ABCA13: variants seen among roughly 807,000 people sequenced by gnomAD.
ABCA13 encodes ATP binding cassette subfamily A member 13, also known as ATP-binding cassette sub-family A member 13.
In ABCA13, 476 loss-of-function variants were observed where a neutral mutation model predicts 478.7. The observed-to-expected ratio is 0.99, with a 90% CI of 0.92 to 1.07. The LOEUF is 1.07. Ranked by LOEUF, ABCA13 falls within the 50% of genes least tolerant of loss-of-function variation. The pLI is 0.00. For synonymous variants in ABCA13, 2,252 were observed against 2,158.9 expected (o/e 1.04, Z -1.20); for missense variants, 6,060 against 5,910.6 (o/e 1.03, Z -0.83).
chr7:48,555,203 A>C (rs976549303), intron 55 of ABCA13, among the ~76,000 whole-genome samples: 3 of 151,890 alleles, frequency 2.0e-5, no homozygotes, highest in African/African-American at 7.2e-5. Flanking sequence ...ATGATGAATG[A>C]TCTTTTTAAT....
chr7:48,327,173 T>C lies in ABCA13; in HGVS notation c.10000-8249T>C, dbSNP rs570941121. Reference sequence around the variant, plus strand: ...TAATTTATAAAGGAAAGAGGTTTAATTGACTCACAGTTTCACATGGCTGGG... The same window carrying C: ...TAATTTATAAAGGAAAGAGGTTTAACTGACTCACAGTTTCACATGGCTGGG... On this transcript the variant is annotated intron_variant, in intron 27 of 61. Coordinates refer to ENST00000435803, the MANE Select transcript of ABCA13 (RefSeq NM_152701.5). Among the ~76,000 whole-genome samples the C allele has an allele frequency of 2.6e-5, 4 of 152,310 alleles. No homozygotes were observed. In the South Asian group the frequency reaches 8.3e-4, roughly 32 times the overall value.
chr7:48,523,519 T>A (rs1247156569), intron 53 of ABCA13, among the ~76,000 whole-genome samples: 1 of 151,946 alleles, frequency 6.6e-6, no homozygotes, highest in Non-Finnish European at 1.5e-5. Flanking sequence ...AGGTAATTGA[T>A]GTTGGTTATG....
At chr7:48,206,037 C>A (rs1311069326) in intron 3 of ABCA13, among the ~76,000 whole-genome samples, 1 of 152,172 alleles carries the variant, frequency 6.6e-6, no homozygotes, top group African/African-American at 2.4e-5. Context: ...TCCACTCACC[C>A]CACATCTTCA....
rs769044983 is a variant in ABCA13 at position 48,276,416 on chromosome 7, T to C, written c.6750T>C (p.Ser2250=). 4 of 1,564,182 alleles carry C rather than the reference T, an allele frequency of 2.6e-6. 1 individual carries two copies. Residue 2250 remains serine, a synonymous_variant, in exon 17 of 62, where the codon AGT becomes AGC. Transcript: ENST00000435803. ...TGAACCATATGCAGTCAGAAACTAG[T>C]AGGAAAACAGTTCTCTCTCTGAGAA... ...LILNHMQSET[S]RKTVLSLRSI...
chr7:48,224,486 C>A (rs186956140), intron 5 of ABCA13, among the ~76,000 whole-genome samples: 4 of 152,154 alleles, frequency 2.6e-5, no homozygotes, highest in Non-Finnish European at 5.9e-5. Flanking sequence ...GCTGCATTGA[C>A]TTTTCCCTCT....
intron 1 of ABCA13, among the ~76,000 whole-genome samples, chr7:48,175,226 C>A (rs1794676620): frequency 1.3e-5 from 2 of 152,014 alleles, no homozygotes; most frequent in African/African-American, 2.4e-5. Flanking sequence ...ATTTTTATTT[C>A]TTTTAATTTT....
chr7:48,173,717 C>G (rs531071654), intron 1 of ABCA13, among the ~76,000 whole-genome samples: 34 of 152,364 alleles, frequency 2.2e-4, no homozygotes, highest in Non-Finnish European at 3.8e-4. Context: ...TGACTGGGTT[C>G]ACATCCCAGC....
rs1795486958 is a variant in ABCA13 at position 48,647,314 on chromosome 7, A to C, written c.*1802A>C. ...TTGATTCCCATGTATCACATGAATT[A>C]CACTTCCTTAAATAAATTACAGTTT... On this transcript the variant is annotated 3_prime_UTR_variant, in exon 62 of 62. Coordinates refer to ENST00000435803, the MANE Select transcript of ABCA13 (RefSeq NM_152701.5). 6.6e-6 allele frequency: 1 copy of C among 152,204 alleles called. No homozygotes were observed. The highest frequency in any genetic ancestry group is 6.5e-5 in the Admixed American group (1 of 15,286). The allele number at this position is 152,204 out of a possible 1,614,324, so 9.4% of individuals were successfully genotyped here. A position where few individuals can be genotyped will look rare whatever the true frequency, so the allele number is the denominator to read the frequency against.
At chr7:48,487,672 G>T (rs988858483) in intron 47 of ABCA13, among the ~76,000 whole-genome samples, 2 of 152,176 alleles carry the variant, frequency 1.3e-5, no homozygotes, top group African/African-American at 4.8e-5. Context: ...CTAGTGGGAG[G>T]TTCCACTTTC....
chr7:48,619,732 A>C (rs1792947007), intron 59 of ABCA13, among the ~76,000 whole-genome samples: 1 of 152,202 alleles, frequency 6.6e-6, no homozygotes, highest in African/African-American at 2.4e-5. Flanking sequence ...AAATCAAAGA[A>C]GGAGGAAGAC....
intron 55 of ABCA13, among the ~76,000 whole-genome samples, chr7:48,562,034 G>A (rs1786509592): frequency 6.6e-6 from 1 of 151,726 alleles, no homozygotes; most frequent in East Asian, 1.9e-4. Context: ...GAGGAGCAAA[G>A]TGCCCTGTCT....
At chr7:48,420,022 CTT>C (rs1820537422) in intron 41 of ABCA13, among the ~76,000 whole-genome samples, 1 of 152,160 alleles carries the variant, frequency 6.6e-6, no homozygotes, top group Admixed American at 6.5e-5. Flanking sequence ...AATTTTGTCT[CTT>C]GACACTTGGC....
chr7:48,505,548 T>A (rs559057248), intron 48 of ABCA13, among the ~76,000 whole-genome samples: 1 of 152,272 alleles, frequency 6.6e-6, no homozygotes, highest in East Asian at 1.9e-4. Context: ...GGAGCAAGGA[T>A]TTGTGCCTTT....
intron 55 of ABCA13, among the ~76,000 whole-genome samples, chr7:48,532,605 G>A (rs1046074016): frequency 6.6e-6 from 1 of 152,002 alleles, no homozygotes; most frequent in East Asian, 1.9e-4. Context: ...ATGTCTGATA[G>A]AATTCAGCTG....
In ABCA13 at chr7:48,246,030, TGTAA is replaced by T. The variant is rs1791620286; in HGVS notation, c.1659+4_1659+7del. ...AGCTACTTGGTTCAGTAGAGGATGC[TGTAA>T]GTATTCTACCATCTTAGCTCTTCTA... is the stretch of plus-strand genomic sequence containing the variant. On this transcript the variant is annotated splice_donor_variant and splice_donor_region_variant and intron_variant, in intron 13 of 61. Transcript: ENST00000435803. LOFTEE classifies it high-confidence loss of function. 6.2e-7 allele frequency: 1 copy of T among 1,612,428 alleles called. No individual in the cohort carries two copies. Among genetic ancestry groups the T allele is most frequent in the Admixed American group, 1.7e-5 (1 of 59,888 alleles).
chr7:48,322,656 C>T (rs572243054), intron 27 of ABCA13, among the ~76,000 whole-genome samples: 1 of 152,344 alleles, frequency 6.6e-6, no homozygotes, highest in Admixed American at 6.5e-5. Context: ...TGGAGCTTAT[C>T]CTCCAACCTT....
intron 5 of ABCA13, among the ~76,000 whole-genome samples, chr7:48,223,246 T>C (rs1175527500): frequency 6.6e-6 from 1 of 152,102 alleles, no homozygotes; most frequent in African/African-American, 2.4e-5. Flanking sequence ...CAGTGAGATA[T>C]CCAAGTGGCA....
Position 48,314,252 on chromosome 7 carries a change from C to T in ABCA13, c.9702C>T (p.Ala3234=), listed in dbSNP as rs1371299911. 1 of 1,612,860 alleles carries T rather than the reference C, an allele frequency of 6.2e-7. No individual in the cohort carries two copies. Among genetic ancestry groups the T allele is most frequent in the Non-Finnish European group, 8.5e-7 (1 of 1,179,652 alleles). The change falls in exon 26 of 62, where the codon GCC becomes GCT. Residue 3234 remains alanine (A), a synonymous_variant. Coordinates refer to ENST00000435803, the MANE Select transcript of ABCA13 (RefSeq NM_152701.5). ...CTCAGGTTTCACAAAATGTCCAGGC[C>T]AGAAGTTCAGCTTTTGGTTCTTTCC... The part of the protein sequence containing the change: ...DFQQVSQNVQ[A]RSSAFGSFQF...
intron 1 of ABCA13, among the ~76,000 whole-genome samples, chr7:48,174,090 AT>A (rs1794520138): frequency 6.6e-6 from 1 of 152,200 alleles, no homozygotes; most frequent in South Asian, 2.1e-4. Flanking sequence ...AAACTGACCT[AT>A]TTTTCACAGC....
Sources: allele counts gnomAD v4.1 joint callset (sites outside exome capture counted in the v4.1 genomes callset), GRCh38; gene constraint gnomAD v4.1.1; transcripts MANE v1.5; gene names NCBI Gene and HGNC (gene_info 2026-07-23, HGNC 2026-07-21).